The following OPCML variants were observed in gnomAD, a reference collection of about 807,000 sequenced individuals.
OPCML encodes opioid binding protein/cell adhesion molecule like, also known as opioid-binding protein/cell adhesion molecule.
In OPCML, 13 loss-of-function variants were observed where a neutral mutation model predicts 37.8. The ratio of observed to expected loss-of-function variants is 0.34; its 90% CI spans 0.22 to 0.55. The LOEUF (loss-of-function observed/expected upper bound fraction) is 0.55. OPCML is among the 20% of genes least tolerant of loss of function. The probability of loss-of-function intolerance (pLI) is 0.91; values close to 1 mark genes in which losing one functional copy is unlikely to be tolerated. For missense variants in OPCML, 341 were observed against 435.6 expected (o/e 0.78, Z 1.93); for synonymous variants, 176 against 168.8 (o/e 1.04, Z -0.33).
intron 1 of OPCML, among the ~76,000 whole-genome samples, chr11:133,038,294 CG>C (rs1033641749): frequency 2.0e-5 from 3 of 152,288 alleles, no homozygotes; most frequent in African/African-American, 7.2e-5. Context: ...GCTTATAGCT[CG>C]GGTGGGACAC....
At chr11:132,551,481 G>T (rs1016975956) in intron 3 of OPCML, among the ~76,000 whole-genome samples, 1 of 152,168 alleles carries the variant, frequency 6.6e-6, no homozygotes, top group Non-Finnish European at 1.5e-5. Context: ...TAACAAATTA[G>T]CCACAAGATT....
chr11:132,431,621 G>T (rs1018725868), intron 7 of OPCML, among the ~76,000 whole-genome samples: 1 of 152,182 alleles, frequency 6.6e-6, no homozygotes. Context: ...TCACTCACAC[G>T]TTTCTAGTCA....
chr11:133,418,226 T>C, intron 1 of OPCML: 1 of 985,398 alleles, frequency 1.0e-6, no homozygotes, highest in Non-Finnish European at 1.2e-6. Context: ...TGGTGATCTG[T>C]ATCTAGTTTT....
intron 1 of OPCML, among the ~76,000 whole-genome samples, chr11:132,948,654 C>T (rs368690636): frequency 3.3e-5 from 5 of 152,168 alleles, no homozygotes; most frequent in African/African-American, 1.2e-4. Flanking sequence ...GATATCAAAG[C>T]ATCATAAAAT....
chr11:132,665,329 T>C (rs1028815105), intron 2 of OPCML, among the ~76,000 whole-genome samples: 6 of 152,170 alleles, frequency 3.9e-5, no homozygotes, highest in African/African-American at 1.4e-4. Context: ...AATTGCTCAT[T>C]GTGTCCTGAC....
At chr11:132,750,793 C>CAT (rs1945804297) in intron 2 of OPCML, among the ~76,000 whole-genome samples, 1 of 149,762 alleles carries the variant, frequency 6.7e-6, no homozygotes, top group African/African-American at 2.5e-5. Context: ...GTAAAGAAAA[C>CAT]CTTTTTTTTT....
At chr11:133,426,205 C>T (rs1945998609) in intron 1 of OPCML, among the ~76,000 whole-genome samples, 1 of 152,170 alleles carries the variant, frequency 6.6e-6, no homozygotes, top group African/African-American at 2.4e-5. Flanking sequence ...TAGTTGAGCA[C>T]TCTGTTACAC....
intron 1 of OPCML, among the ~76,000 whole-genome samples, chr11:133,510,563 A>G (rs1168482442): frequency 2.0e-5 from 3 of 152,134 alleles, no homozygotes; most frequent in Non-Finnish European, 4.4e-5. Flanking sequence ...GACTGATATA[A>G]ATGGAATCTG....
intron 3 of OPCML, among the ~76,000 whole-genome samples, chr11:132,651,294 T>C (rs942399163): frequency 1.3e-5 from 2 of 152,178 alleles, no homozygotes; most frequent in Non-Finnish European, 2.9e-5. Flanking sequence ...CTCGGACAAA[T>C]CACTTCCAAG....
intron 1 of OPCML, among the ~76,000 whole-genome samples, chr11:133,525,193 C>T (rs137957531): frequency 1.3e-4 from 20 of 152,306 alleles, no homozygotes; most frequent in African/African-American, 4.8e-4. Context: ...GAAGCCTCGC[C>T]TACTTTGAAG....
chr11:132,438,772 G>A (rs1398784211), intron 4 of OPCML, among the ~76,000 whole-genome samples: 1 of 152,020 alleles, frequency 6.6e-6, no homozygotes, highest in African/African-American at 2.4e-5. Flanking sequence ...GCAGCAGTAA[G>A]GGTCTGTGGA....
chr11:132,980,767 C>T (rs1408280560), intron 1 of OPCML, among the ~76,000 whole-genome samples: 2 of 152,200 alleles, frequency 1.3e-5, no homozygotes, highest in South Asian at 2.1e-4. Flanking sequence ...GGAACTAGAA[C>T]AACGGGCCCA....
intron 1 of OPCML, among the ~76,000 whole-genome samples, chr11:133,389,077 C>T (rs1042604049): frequency 2.0e-5 from 3 of 152,146 alleles, no homozygotes; most frequent in Admixed American, 6.5e-5. Context: ...CTCTCAACCA[C>T]TTTGTAATCT....
Position 132,441,170 on chromosome 11 carries a change from T to TTTTTTTTTGTTTTTTTTTG in OPCML, c.506-3812_506-3811insCAAAAAAAAACAAAAAAAA, listed in dbSNP as rs2096032379. On this transcript the variant is annotated intron_variant, in intron 4 of 7. Transcript: ENST00000524381. ...TGTTCACCAAGGACTTTTTTGTTTT[T>TTTTTTTTTGTTTTTTTTTG]TTTTTTTTTTTTTTTGAGACGGAGT... Among the ~76,000 whole-genome samples, 6 of 113,524 alleles carry TTTTTTTTTGTTTTTTTTTG rather than the reference T, an allele frequency of 5.3e-5. 1 individual carries two copies. Among genetic ancestry groups the TTTTTTTTTGTTTTTTTTTG allele is most frequent in the Non-Finnish European group, 5.6e-5 (3 of 53,886 alleles). 74.5% of individuals were successfully genotyped at this position (113,524 alleles called of 152,430 possible). A position where few individuals can be genotyped will look rare whatever the true frequency, so the allele number is the denominator to read the frequency against.
chr11:133,427,414 C>T (rs1023013852), intron 1 of OPCML, among the ~76,000 whole-genome samples: 2 of 55,536 alleles, frequency 3.6e-5, no homozygotes, highest in Admixed American at 2.8e-4. Context: ...AGAGCGGGGC[C>T]GGGGGTGGGG....
intron 2 of OPCML, among the ~76,000 whole-genome samples, chr11:132,787,738 T>C (rs1947267585): frequency 6.6e-6 from 1 of 152,146 alleles, no homozygotes; most frequent in East Asian, 1.9e-4. Flanking sequence ...TGGGTCCTCT[T>C]CTCTTCTGAT....
intron 4 of OPCML, among the ~76,000 whole-genome samples, chr11:132,483,309 A>T (rs1296790330): frequency 6.6e-6 from 1 of 151,478 alleles, no homozygotes; most frequent in African/African-American, 2.4e-5. Flanking sequence ...GTGAACTCCC[A>T]TTCACAATTG....
intron 4 of OPCML, among the ~76,000 whole-genome samples, chr11:132,492,776 G>A (rs976626479): frequency 7.0e-5 from 1 of 14,316 alleles, no homozygotes; most frequent in African/African-American, 1.3e-4. Flanking sequence ...ATGAGGGCAG[G>A]GGACTTTGTT....
chr11:132,586,279 T>G (rs938521912), intron 3 of OPCML, among the ~76,000 whole-genome samples: 1 of 152,210 alleles, frequency 6.6e-6, no homozygotes, highest in Non-Finnish European at 1.5e-5. Context: ...ATTCTCAATT[T>G]CTGAGACTTA....
Sources: allele counts gnomAD v4.1 joint callset (sites outside exome capture counted in the v4.1 genomes callset), GRCh38; gene constraint gnomAD v4.1.1; transcripts MANE v1.5; gene names NCBI Gene and HGNC (gene_info 2026-07-23, HGNC 2026-07-21).